Variants in SLX4IP observed in about 807,000 individuals in gnomAD.
SLX4IP encodes the protein protein SLX4IP.
A neutral mutation model predicts 32.9 loss-of-function variants in SLX4IP; 34 were observed. The ratio of observed to expected loss-of-function variants is 1.03; its 90% CI spans 0.79 to 1.38. SLX4IP has a LOEUF of 1.38. Ranked by LOEUF, SLX4IP falls within the 40% of genes most tolerant of loss-of-function variation. The probability of loss-of-function intolerance (pLI) is 0.00; values close to 1 mark genes in which losing one functional copy is unlikely to be tolerated. For missense variants in SLX4IP, 444 were observed against 479.0 expected (o/e 0.93, Z 0.68); for synonymous variants, 172 against 171.7 (o/e 1.00, Z -0.01).
intron 4 of SLX4IP, among the ~76,000 whole-genome samples, chr20:10,571,550 C>T (rs1301316293): frequency 6.6e-6 from 1 of 152,174 alleles, no homozygotes; most frequent in Non-Finnish European, 1.5e-5. Flanking sequence ...GGAGCCTTAT[C>T]TGATTCTGTG....
intron 2 of SLX4IP, among the ~76,000 whole-genome samples, chr20:10,508,211 C>A (rs1288338457): frequency 6.6e-6 from 1 of 152,176 alleles, no homozygotes; most frequent in Non-Finnish European, 1.5e-5. Context: ...ACAGCCCTGC[C>A]CTTGGAGCAT....
At chr20:10,568,666 T>C (rs150970223) in intron 4 of SLX4IP, among the ~76,000 whole-genome samples, 1 of 152,236 alleles carries the variant, frequency 6.6e-6, no homozygotes, top group South Asian at 2.1e-4. Flanking sequence ...GATTTTAGTT[T>C]ACAATTTTGG....
At chr20:10,512,610 ATATATATAGTATTATATATTATATATAG>A (rs2065816515) in intron 2 of SLX4IP, among the ~76,000 whole-genome samples, 1 of 144,320 alleles carries the variant, frequency 6.9e-6, no homozygotes, top group Non-Finnish European at 1.5e-5. Context: ...TATATATAAA[ATATATATAGTATTATATATTATATATAG>A]TATATATAGT....
chr20:10,541,572 C>T (rs890458783), intron 2 of SLX4IP, among the ~76,000 whole-genome samples: 1 of 152,180 alleles, frequency 6.6e-6, no homozygotes, highest in Non-Finnish European at 1.5e-5. Context: ...AGCCTCATTT[C>T]AGATATTCAG....
intron 6 of SLX4IP, among the ~76,000 whole-genome samples, chr20:10,607,995 T>C (rs2066923394): frequency 6.6e-6 from 1 of 152,158 alleles, no homozygotes; most frequent in Non-Finnish European, 1.5e-5. Flanking sequence ...TAGAATAGGA[T>C]AGGTTAAATG....
intron 2 of SLX4IP, among the ~76,000 whole-genome samples, chr20:10,542,548 C>T (rs902855136): frequency 6.6e-6 from 1 of 152,150 alleles, no homozygotes; most frequent in African/African-American, 2.4e-5. Flanking sequence ...TAGTTTGTCT[C>T]AATTTCAATA....
chr20:10,579,529 C>T (rs970773955), intron 4 of SLX4IP, among the ~76,000 whole-genome samples: 2 of 151,898 alleles, frequency 1.3e-5, no homozygotes, highest in Admixed American at 6.6e-5. Context: ...CCAGGTTCAA[C>T]CGATTCTCCA....
intron 4 of SLX4IP, among the ~76,000 whole-genome samples, chr20:10,595,951 A>G (rs2066766000): frequency 1.3e-5 from 2 of 152,350 alleles, no homozygotes; most frequent in South Asian, 4.1e-4. Flanking sequence ...CTATTTAGAA[A>G]TGATTCCTTT....
At chr20:10,584,751 A>C (rs1300788098) in intron 4 of SLX4IP, among the ~76,000 whole-genome samples, 2 of 152,214 alleles carry the variant, frequency 1.3e-5, no homozygotes, top group Non-Finnish European at 2.9e-5. Flanking sequence ...ACTAGTAGAT[A>C]GATGCTTATT....
intron 6 of SLX4IP, chr20:10,614,049 C>T (rs1384359206): frequency 2.1e-5 from 31 of 1,485,952 alleles, no homozygotes; most frequent in East Asian, 4.6e-5. Flanking sequence ...CTGGAAGCAG[C>T]GGGTGGCGTC....
chr20:10,484,083 C>G (rs1237044587), intron 2 of SLX4IP, among the ~76,000 whole-genome samples: 1 of 152,136 alleles, frequency 6.6e-6, no homozygotes, highest in African/African-American at 2.4e-5. Flanking sequence ...CTCCTATATT[C>G]AGATCTTCAT....
At chr20:10,601,103 G>A (rs1317525562) in intron 5 of SLX4IP, among the ~76,000 whole-genome samples, 1 of 152,146 alleles carries the variant, frequency 6.6e-6, no homozygotes, top group Admixed American at 6.5e-5. Context: ...CAATGGTTTT[G>A]TTTTAAGAAG....
intron 2 of SLX4IP, among the ~76,000 whole-genome samples, chr20:10,552,559 G>A (rs916922575): frequency 5.9e-5 from 9 of 152,092 alleles, no homozygotes; most frequent in Non-Finnish European, 1.0e-4. Context: ...CCCCCTGCGG[G>A]GGAGGGGACT....
intron 2 of SLX4IP, among the ~76,000 whole-genome samples, chr20:10,462,556 C>CGTAA (rs2065346693): frequency 6.6e-6 from 1 of 152,178 alleles, no homozygotes; most frequent in African/African-American, 2.4e-5. Flanking sequence ...ATTCCCTTTA[C>CGTAA]AGCCCAACTT....
chr20:10,623,488 A>G lies in SLX4IP; in HGVS notation c.*109A>G. ...TTTAAAGGAATTAATTAGAATGACT[A>G]ATTTAAATAGGAAGTGTGTTATCTG... On this transcript the variant is annotated 3_prime_UTR_variant, in exon 8 of 8. Transcript: ENST00000334534. 1 of 1,427,292 alleles carries G rather than the reference A, an allele frequency of 7.0e-7. No homozygotes were observed. Among genetic ancestry groups the G allele is most frequent in the Non-Finnish European group, 9.3e-7 (1 of 1,072,236 alleles). 88.4% of individuals were successfully genotyped at this position (1,427,292 alleles called of 1,614,324 possible). A position where few individuals can be genotyped will look rare whatever the true frequency, so the allele number is the denominator to read the frequency against.
At chr20:10,588,014 G>C (rs1254939069) in intron 4 of SLX4IP, among the ~76,000 whole-genome samples, 1 of 151,632 alleles carries the variant, frequency 6.6e-6, no homozygotes, top group Non-Finnish European at 1.5e-5. Context: ...GTGCAGCAAA[G>C]GAAACAATCA....
chr20:10,533,932 T>TAA (rs36055869), intron 2 of SLX4IP, among the ~76,000 whole-genome samples: 1 of 151,852 alleles, frequency 6.6e-6, no homozygotes, highest in Non-Finnish European at 1.5e-5. Flanking sequence ...CTCTTATTTT[T>TAA]AAAAAATTTT....
intron 2 of SLX4IP, among the ~76,000 whole-genome samples, chr20:10,514,456 A>C (rs1440553395): frequency 6.6e-6 from 1 of 152,216 alleles, no homozygotes; most frequent in African/African-American, 2.4e-5. Flanking sequence ...CACCAAGTGC[A>C]AAAATCTGCA....
rs773283085 is a variant in SLX4IP, at chr20:10,623,224, G to T, written c.1072G>T (p.Glu358Ter). 7.4e-6 allele frequency: 12 copies of T among 1,614,074 alleles called. No homozygotes were observed. Among genetic ancestry groups the T allele is most frequent in the Admixed American group, 1.7e-5 (1 of 60,000 alleles). ...QDLAKTTSKE[E>*]LHVLESLSSR... is the part of the protein sequence containing the mutation. ...TTTGGCAAAAACCACGTCTAAGGAA[G>T]AGTTGCATGTTTTGGAAAGTCTCTC... Residue 358 changes from glutamate (E) to a stop codon, truncating the protein, a stop_gained, in exon 8 of 8, where the codon GAG (glutamate) becomes TAG (stop). Transcript: ENST00000334534. LOFTEE classifies it high-confidence loss of function.
Sources: allele counts gnomAD v4.1 joint callset (sites outside exome capture counted in the v4.1 genomes callset), GRCh38; gene constraint gnomAD v4.1.1; transcripts MANE v1.5; gene names NCBI Gene and HGNC (gene_info 2026-07-23, HGNC 2026-07-21).